Variants in PRKCB observed in about 807,000 individuals in gnomAD.
PRKCB encodes protein kinase C beta, also known as protein kinase C beta type.
Under a neutral mutation model 81.5 loss-of-function variants are expected in PRKCB, and 13 were observed. That is an observed-to-expected ratio of 0.16 (90% confidence interval 0.10 to 0.25). The LOEUF (loss-of-function observed/expected upper bound fraction) is 0.25, where lower values mean the gene tolerates loss of function less well. Ranked by LOEUF, PRKCB falls within the 10% of genes least tolerant of loss-of-function variation. The pLI is 1.00. For missense variants in PRKCB, 509 were observed against 875.7 expected, an observed-to-expected ratio of 0.58 and a Z score of 5.29; for synonymous variants, 335 against 321.4, an observed-to-expected ratio of 1.04 and a Z score of -0.45.
chr16:24,105,999 T>C (rs1966571971), intron 7 of PRKCB, among the ~76,000 whole-genome samples: 1 of 152,058 alleles, frequency 6.6e-6, no homozygotes, highest in Admixed American at 6.5e-5. Flanking sequence ...TTTTTTCATC[T>C]CCTTCTAAAC....
At chr16:24,172,464 G>A (rs895307965) in intron 11 of PRKCB, 103 bp downstream of exon 11, 28 of 887,460 alleles carry the variant, frequency 3.2e-5, no homozygotes, top group Admixed American at 1.8e-4. Flanking sequence ...TAAACACCTC[G>A]GGCATCTTTT....
intron 3 of PRKCB, 60 bp from the exon 4 acceptor site, chr16:24,032,076 G>A: frequency 8.1e-7 from 1 of 1,237,674 alleles, no homozygotes; most frequent in African/African-American, 1.5e-5. Flanking sequence ...CTCGATGTAG[G>A]ATGAACCGTT....
At chr16:24,079,455 T>C (rs1176173125) in intron 5 of PRKCB, among the ~76,000 whole-genome samples, 1 of 152,206 alleles carries the variant, frequency 6.6e-6, no homozygotes. Context: ...CAATGATTTC[T>C]TTCTCTCAGA....
intron 2 of PRKCB, among the ~76,000 whole-genome samples, chr16:23,887,828 T>TTGTAA (rs149346087): frequency 0.15 from 22,866 of 152,162 alleles, 1,840 homozygotes; most frequent in Middle Eastern, 0.23. Context: ...TGTAAGAGCG[T>TTGTAA]CCTTTTTTCT....
chr16:23,867,896 T>G (rs1351879465), intron 2 of PRKCB, among the ~76,000 whole-genome samples: 1 of 152,170 alleles, frequency 6.6e-6, no homozygotes, highest in African/African-American at 2.4e-5. Flanking sequence ...AGAGAAGTCT[T>G]TAATTATTCA....
intron 2 of PRKCB, among the ~76,000 whole-genome samples, chr16:23,962,693 C>A (rs1171203847): frequency 3.9e-5 from 6 of 152,160 alleles, no homozygotes; most frequent in Non-Finnish European, 2.9e-5. Context: ...AGCAGTCCAG[C>A]CTGACAATTG....
intron 16 of PRKCB, among the ~76,000 whole-genome samples, chr16:24,200,284 T>A (rs986607998): frequency 6.6e-6 from 1 of 152,188 alleles, no homozygotes; most frequent in Admixed American, 6.5e-5. Context: ...GAGATCTTAA[T>A]AAAAATATCA....
At position 24,029,466 on chromosome 16, in the gene PRKCB, G is replaced by A. The variant is rs535164196; in HGVS notation, c.289-2670G>A. On this transcript the variant is annotated intron_variant, in intron 3 of 16. Transcript: ENST00000643927. Reference sequence around the variant, plus strand: ...GAAGAAGGTGCCTTGCTTTCCCTTCGCCTTCCACTACGATTTTAAGTTTCT... The same window carrying A: ...GAAGAAGGTGCCTTGCTTTCCCTTCACCTTCCACTACGATTTTAAGTTTCT... Among the ~76,000 whole-genome samples, 5 of 152,124 alleles carry A rather than the reference G, an allele frequency of 3.3e-5. No individual in the cohort carries two copies. In the East Asian group the frequency reaches 5.8e-4, roughly 18 times the overall value.
chr16:24,085,499 C>CT (rs1966300943), intron 5 of PRKCB, among the ~76,000 whole-genome samples: 1 of 152,210 alleles, frequency 6.6e-6, no homozygotes, highest in South Asian at 2.1e-4. Flanking sequence ...CTGTTATCCT[C>CT]TATCATTAGG....
intron 16 of PRKCB, among the ~76,000 whole-genome samples, chr16:24,212,461 CTTTTTTTTT>C (rs975667798): frequency 1.8e-4 from 14 of 78,042 alleles, no homozygotes; most frequent in East Asian, 1.4e-3. Flanking sequence ...CTTTTTTTTC[CTTTTTTTTT>C]TTTTTTTTTT....
chr16:24,157,811 C>T (rs908713595), intron 10 of PRKCB, among the ~76,000 whole-genome samples: 13 of 151,792 alleles, frequency 8.6e-5, no homozygotes, highest in Non-Finnish European at 1.8e-4. Context: ...GTGAAGGACA[C>T]GTTTGCTTCC....
chr16:23,895,345 C>G (rs1332237091), intron 2 of PRKCB, among the ~76,000 whole-genome samples: 1 of 152,146 alleles, frequency 6.6e-6, no homozygotes, highest in Non-Finnish European at 1.5e-5. Flanking sequence ...ACAACCACCT[C>G]TTAAATTTAT....
chr16:24,219,698 A>C lies in PRKCB; in HGVS notation c.*4882A>C. 1 of 1,281,784 alleles carries C rather than the reference A, an allele frequency of 7.8e-7. No individual in the cohort carries two copies. The highest frequency in any genetic ancestry group is 9.9e-7 in the Non-Finnish European group (1 of 1,008,310). The allele number at this position is 1,281,784 out of a possible 1,614,324, so 79.4% of individuals were successfully genotyped here. ...CACACACACACACACACACACACAC[A>C]CACACCACTTTATGGCAATTCTTAA... is the stretch of plus-strand genomic sequence containing the variant. On this transcript the variant is annotated 3_prime_UTR_variant, in exon 17 of 17. Coordinates refer to ENST00000643927, the MANE Select transcript of PRKCB (RefSeq NM_002738.7).
chr16:24,177,639 A>G (rs1967555705), intron 12 of PRKCB, among the ~76,000 whole-genome samples: 1 of 152,216 alleles, frequency 6.6e-6, no homozygotes, highest in East Asian at 1.9e-4. Flanking sequence ...TGACCATAGT[A>G]ATTATCAGCA....
chr16:23,919,437 A>T (rs1597245755), intron 2 of PRKCB, among the ~76,000 whole-genome samples: 2 of 151,372 alleles, frequency 1.3e-5, no homozygotes, highest in Admixed American at 1.3e-4. Context: ...AAAATACCGG[A>T]TAGGGTTCCT....
chr16:23,927,956 A>G (rs770469806), intron 2 of PRKCB, among the ~76,000 whole-genome samples: 1 of 151,910 alleles, frequency 6.6e-6, no homozygotes, highest in Non-Finnish European at 1.5e-5. Context: ...CCTTAGCTGC[A>G]CATCAGTAGT....
At chr16:23,891,303 T>G (rs7205440) in intron 2 of PRKCB, among the ~76,000 whole-genome samples, 44,846 of 151,926 alleles carry the variant, frequency 0.3, 7,048 homozygotes, top group South Asian at 0.43. Context: ...TCCTCCTGTC[T>G]CAGCCTCCCA....
chr16:23,866,372 T>A (rs1316155015), intron 2 of PRKCB, among the ~76,000 whole-genome samples: 2 of 152,202 alleles, frequency 1.3e-5, no homozygotes, highest in East Asian at 3.9e-4. Flanking sequence ...GTTAAAAAAT[T>A]TAAGTTCATA....
intron 5 of PRKCB, among the ~76,000 whole-genome samples, chr16:24,065,024 A>G (rs1383863296): frequency 6.8e-6 from 1 of 147,734 alleles, no homozygotes; most frequent in African/African-American, 2.5e-5. Flanking sequence ...ACTGAAAGGG[A>G]AAAGGGGGAA....
Sources: allele counts gnomAD v4.1 joint callset (sites outside exome capture counted in the v4.1 genomes callset), GRCh38; gene constraint gnomAD v4.1.1; transcripts MANE v1.5; gene names NCBI Gene and HGNC (gene_info 2026-07-23, HGNC 2026-07-21).